Variants in FBXO42 observed in about 807,000 individuals in gnomAD.
FBXO42 encodes the protein F-box protein 42, also known as F-box only protein 42.
Under a neutral mutation model 71.7 loss-of-function variants are expected in FBXO42, and 12 were observed. The observed-to-expected ratio is 0.17, with a 90% CI of 0.11 to 0.27. The LOEUF is 0.27. FBXO42 is among the 10% of genes least tolerant of loss of function. The probability of loss-of-function intolerance (pLI) is 1.00; values close to 1 mark genes in which losing one functional copy is unlikely to be tolerated. For missense variants in FBXO42, 707 were observed against 911.9 expected (o/e 0.78, Z 2.89); for synonymous variants, 325 against 327.5 (o/e 0.99, Z 0.08).
intron 4 of FBXO42, among the ~76,000 whole-genome samples, chr1:16,272,792 T>C (rs1020082309): frequency 3.0e-4 from 45 of 152,216 alleles, no homozygotes; most frequent in African/African-American, 1.1e-3. Flanking sequence ...TTCCTGATGT[T>C]ATAACTTCTA....
intron 4 of FBXO42, among the ~76,000 whole-genome samples, chr1:16,276,098 T>G (rs368258945): frequency 6.6e-6 from 1 of 150,724 alleles, no homozygotes; most frequent in Admixed American, 6.6e-5. Flanking sequence ...ACTGGAAAAC[T>G]TGGCAGGGTG....
At chr1:16,304,070 G>A (rs1335796191) in intron 3 of FBXO42, among the ~76,000 whole-genome samples, 1 of 151,480 alleles carries the variant, frequency 6.6e-6, no homozygotes, top group Non-Finnish European at 1.5e-5. Flanking sequence ...CTCCCAAAGT[G>A]CTGGGATTAG....
intron 1 of FBXO42, among the ~76,000 whole-genome samples, chr1:16,330,707 C>T (rs1216525296): frequency 6.6e-6 from 1 of 151,866 alleles, no homozygotes; most frequent in African/African-American, 2.4e-5. Flanking sequence ...TTTGGGAGAC[C>T]GAGGAGGTGA....
chr1:16,313,010 G>C (rs1557597683), intron 2 of FBXO42, among the ~76,000 whole-genome samples: 1 of 152,016 alleles, frequency 6.6e-6, no homozygotes, highest in Non-Finnish European at 1.5e-5. Context: ...GACCAGGCTG[G>C]TCTTGAACTC....
chr1:16,349,896 A>G (rs906643716), intron 1 of FBXO42, among the ~76,000 whole-genome samples: 1 of 152,182 alleles, frequency 6.6e-6, no homozygotes, highest in Admixed American at 6.6e-5. Flanking sequence ...TGACTAAAAC[A>G]ATTCTGAAAT....
At chr1:16,302,877 G>A (rs2082209714) in intron 3 of FBXO42, among the ~76,000 whole-genome samples, 1 of 152,110 alleles carries the variant, frequency 6.6e-6, no homozygotes, top group Non-Finnish European at 1.5e-5. Flanking sequence ...CAGCATGGAG[G>A]AAACCGCCCC....
intron 7 of FBXO42, 87 bp from the exon 8 acceptor site, chr1:16,253,239 C>T: frequency 8.7e-7 from 1 of 1,143,984 alleles, no homozygotes; most frequent in Non-Finnish European, 1.3e-6. Context: ...GAATAGCCTA[C>T]CTAGCTCCCA....
At chr1:16,261,829 G>A (rs2081716896) in intron 4 of FBXO42, among the ~76,000 whole-genome samples, 1 of 151,910 alleles carries the variant, frequency 6.6e-6, no homozygotes, top group Non-Finnish European at 1.5e-5. Flanking sequence ...TCAACCTCCT[G>A]AGTAGCTGGG....
Position 16,253,677 on chromosome 1 carries a change from G to C in FBXO42, c.822C>G (p.Asn274Lys). ...GAGGATGAGGACTGGGGCCAGAGAT[G>C]TTCGGCTTGGACCACGCCCACTGCT... ...DLEQWAWSKP[N>K]ISGPSPHPRG... The change falls in exon 7 of 10, where the codon AAC (asparagine) becomes AAG (lysine). Residue 274 changes from asparagine (N) to lysine (K), a missense_variant. Asn to Lys is a moderately conservative substitution (Grantham distance 94). Coordinates refer to ENST00000375592, the MANE Select transcript of FBXO42 (RefSeq NM_018994.3). 1 of 1,614,232 alleles carries C rather than the reference G, an allele frequency of 6.2e-7. No homozygotes were observed. Among genetic ancestry groups the C allele is most frequent in the African/African-American group, 1.3e-5 (1 of 75,062 alleles).
At chr1:16,334,431 A>C (rs2082531992) in intron 1 of FBXO42, among the ~76,000 whole-genome samples, 1 of 151,788 alleles carries the variant, frequency 6.6e-6, no homozygotes, top group Non-Finnish European at 1.5e-5. Context: ...AAAAAAAAAA[A>C]AAAAAAAAAC....
intron 4 of FBXO42, among the ~76,000 whole-genome samples, chr1:16,267,633 C>T (rs1399029094): frequency 1.3e-5 from 2 of 152,164 alleles, no homozygotes; most frequent in African/African-American, 4.8e-5. Context: ...GGGTCTCCCC[C>T]TCTACCCACT....
intron 2 of FBXO42, among the ~76,000 whole-genome samples, chr1:16,308,013 T>C (rs143020340): frequency 9.2e-5 from 14 of 152,280 alleles, no homozygotes; most frequent in African/African-American, 2.6e-4. Context: ...AGTCAGAAGA[T>C]TGATACCACC....
chr1:16,293,692 G>C (rs554344082), intron 4 of FBXO42: 1 of 152,262 alleles, frequency 6.6e-6, no homozygotes, highest in East Asian at 1.9e-4. Flanking sequence ...TAAGTTTTAG[G>C]GAAGCAAAAT....
chr1:16,325,609 A>C (rs2082442356), intron 1 of FBXO42, among the ~76,000 whole-genome samples: 1 of 152,186 alleles, frequency 6.6e-6, no homozygotes, highest in Non-Finnish European at 1.5e-5. Flanking sequence ...AAAATTTAAA[A>C]ATGGAAAAAT....
At chr1:16,275,142 T>C (rs774791997) in intron 4 of FBXO42, among the ~76,000 whole-genome samples, 23 of 152,098 alleles carry the variant, frequency 1.5e-4, no homozygotes, top group Admixed American at 1.0e-3. Context: ...GCAAGAAACA[T>C]TCTGAGATTC....
intron 1 of FBXO42, among the ~76,000 whole-genome samples, chr1:16,342,770 T>G (rs1429022824): frequency 6.6e-6 from 1 of 152,084 alleles, no homozygotes; most frequent in Non-Finnish European, 1.5e-5. Context: ...TGGGGCCTAC[T>G]GGGTGGTGTT....
At chr1:16,344,640 G>T (rs532753341) in intron 1 of FBXO42, among the ~76,000 whole-genome samples, 1 of 151,660 alleles carries the variant, frequency 6.6e-6, no homozygotes, top group Non-Finnish European at 1.5e-5. Context: ...CCATCCAGTT[G>T]TTACATTTTT....
intron 3 of FBXO42, among the ~76,000 whole-genome samples, chr1:16,298,550 C>T (rs2082156396): frequency 6.6e-6 from 1 of 152,142 alleles, no homozygotes; most frequent in Admixed American, 6.6e-5. Flanking sequence ...CACTCTGTCA[C>T]CCAGGCTGGA....
intron 3 of FBXO42, among the ~76,000 whole-genome samples, chr1:16,298,122 A>G (rs1165348190): frequency 1.3e-5 from 2 of 151,956 alleles, no homozygotes; most frequent in Non-Finnish European, 2.9e-5. Flanking sequence ...GCTACTGGGG[A>G]GGCTGAGGCA....
Sources: gnomAD v4.1 joint callset for allele counts (sites outside exome capture counted in the v4.1 genomes callset) on GRCh38, gnomAD v4.1.1 for gene constraint, MANE v1.5 for transcripts, NCBI Gene and HGNC (gene_info 2026-07-23, HGNC 2026-07-21) for gene names.